Variants in PDE4D observed in about 807,000 individuals in gnomAD.
PDE4D encodes the protein phosphodiesterase 4D.
PDE4D carries 24 observed loss-of-function variants against 87.4 expected under a neutral mutation model. The ratio of observed to expected loss-of-function variants is 0.27; its 90% confidence interval spans 0.20 to 0.39. The LOEUF is 0.39. Ranked by LOEUF, PDE4D falls within the 10% of genes least tolerant of loss-of-function variation. The probability of loss-of-function intolerance (pLI) is 1.00; values close to 1 mark genes in which losing one functional copy is unlikely to be tolerated. For missense variants in PDE4D, 714 were observed against 1,041.0 expected (o/e 0.69, Z 4.32); for synonymous variants, 384 against 383.2 (o/e 1.00, Z -0.02).
chr5:59,600,440 G>A (rs943324410), intron 1 of PDE4D, among the ~76,000 whole-genome samples: 6 of 152,132 alleles, frequency 3.9e-5, no homozygotes, highest in African/African-American at 7.2e-5. Flanking sequence ...AGCAGAACCT[G>A]GGTGATGTGT....
intron 1 of PDE4D, among the ~76,000 whole-genome samples, chr5:59,330,943 C>T (rs189238250): frequency 2.4e-4 from 37 of 152,214 alleles, no homozygotes; most frequent in African/African-American, 4.3e-4. Flanking sequence ...TCAAGGGAAA[C>T]GCAGCCTCAA....
At chr5:59,758,246 G>A (rs542355969) in intron 1 of PDE4D, among the ~76,000 whole-genome samples, 28 of 152,154 alleles carry the variant, frequency 1.8e-4, no homozygotes, top group Admixed American at 9.2e-4. Flanking sequence ...TGTAAAGTAC[G>A]GTTAACAATA....
chr5:60,051,905 A>G (rs1770206611), intron 2 of PDE4D, among the ~76,000 whole-genome samples: 1 of 152,250 alleles, frequency 6.6e-6, no homozygotes, highest in African/African-American at 2.4e-5. Context: ...AGAGTATACT[A>G]TGAACAGCTC....
In PDE4D at chr5:59,202,033, A is replaced by ATTTTTTTT. The variant is rs10641798; in HGVS notation, c.648-8505_648-8498dup. On this transcript the variant is annotated intron_variant, in intron 2 of 14. Transcript: ENST00000340635. ...ATGCAGCTTTTCTGGTGTTTTGATC[A>ATTTTTTTT]TTTTTTTTTTTTTTTTTTTTTCTGA... Among the ~76,000 whole-genome samples, 93 of 95,266 alleles carry ATTTTTTTT rather than the reference A, an allele frequency of 9.8e-4. 6 individuals are homozygous for ATTTTTTTT. Among genetic ancestry groups the ATTTTTTTT allele is most frequent in the African/African-American group, 1.7e-3 (39 of 23,376 alleles). 62.5% of individuals were successfully genotyped at this position (95,266 alleles called of 152,430 possible).
chr5:59,517,031 T>C (rs1562319022), intron 1 of PDE4D, among the ~76,000 whole-genome samples: 1 of 152,194 alleles, frequency 6.6e-6, no homozygotes, highest in Admixed American at 6.5e-5. Flanking sequence ...AATTATTGCC[T>C]GTGGATTTTT....
chr5:59,574,026 A>AT (rs1822382795), intron 1 of PDE4D, among the ~76,000 whole-genome samples: 1 of 122,438 alleles, frequency 8.2e-6, no homozygotes, highest in Non-Finnish European at 1.6e-5. Flanking sequence ...ATATATATAT[A>AT]TAAAAATATA....
chr5:59,985,443 G>A (rs111384082), intron 3 of PDE4D, among the ~76,000 whole-genome samples: 3,165 of 151,754 alleles, frequency 0.021, 78 homozygotes, highest in African/African-American at 0.051. Context: ...ACCTGGCCCC[G>A]CACTTTACCT....
In PDE4D at chr5:59,211,981, T is replaced by A. The variant is rs538418567; in HGVS notation, c.647+3796A>T. ...CCACAAACCTTCATTTTAAATACCC[T>A]TCATTAGGTACCTATCCTCATTAGG... On this transcript the variant is annotated intron_variant, in intron 2 of 14. Coordinates refer to ENST00000340635, the MANE Select transcript of PDE4D (RefSeq NM_001104631.2). Among the ~76,000 whole-genome samples, 3 of 152,238 alleles carry A rather than the reference T, an allele frequency of 2.0e-5. No homozygotes were observed. In the East Asian group the frequency reaches 5.8e-4, roughly 29 times the overall value.
chr5:59,186,911 C>T (rs1743048605), intron 3 of PDE4D, among the ~76,000 whole-genome samples: 1 of 152,082 alleles, frequency 6.6e-6, no homozygotes, highest in Non-Finnish European at 1.5e-5. Context: ...AGAAGTAAAT[C>T]GGATAAATGA....
intron 1 of PDE4D, among the ~76,000 whole-genome samples, chr5:59,784,243 T>TC (rs1764922458): frequency 6.6e-6 from 1 of 151,264 alleles, no homozygotes; most frequent in Non-Finnish European, 1.5e-5. Flanking sequence ...AACTTCCTTT[T>TC]TTTTTTTTTA....
intron 3 of PDE4D, among the ~76,000 whole-genome samples, chr5:59,924,068 G>C (rs1446201484): frequency 6.6e-6 from 1 of 152,182 alleles, no homozygotes; most frequent in Non-Finnish European, 1.5e-5. Flanking sequence ...AAATTCTGTA[G>C]TTGAAAAGTG....
At chr5:59,692,252 G>A (rs1323225168) in intron 1 of PDE4D, among the ~76,000 whole-genome samples, 1 of 152,060 alleles carries the variant, frequency 6.6e-6, no homozygotes, top group Non-Finnish European at 1.5e-5. Flanking sequence ...GAGAGCTCTT[G>A]GTCTTCTTGG....
chr5:60,083,078 C>T (rs1554149857), intron 2 of PDE4D, among the ~76,000 whole-genome samples: 2 of 152,094 alleles, frequency 1.3e-5, no homozygotes, highest in Non-Finnish European at 2.9e-5. Context: ...CTGATGTGTT[C>T]ACCTGATTGA....
At chr5:60,095,852 G>C (rs530803247) in intron 2 of PDE4D, among the ~76,000 whole-genome samples, 2 of 152,072 alleles carry the variant, frequency 1.3e-5, no homozygotes, top group African/African-American at 4.8e-5. Flanking sequence ...GTGATGATGA[G>C]CTTTTTTTTA....
chr5:59,687,110 A>G (rs1044033033), intron 1 of PDE4D, among the ~76,000 whole-genome samples: 4 of 152,168 alleles, frequency 2.6e-5, no homozygotes, highest in Non-Finnish European at 5.9e-5. Context: ...TCAGCACCTC[A>G]AATTCATAAA....
rs1016294072 is a variant in PDE4D at position 59,751,847 on chromosome 5, A to C, written c.455+141321T>G. ...CTGAAATCTCCCATGCTTCACATTC[A>C]TATCAAATTCCTTCCTAGGCCCCTC... On this transcript the variant is annotated intron_variant, in intron 1 of 14. Transcript: ENST00000340635. 2.0e-5 allele frequency among the ~76,000 whole-genome samples: 3 copies of C among 152,190 alleles called. No individual in the cohort carries two copies. The East Asian group carries it at 5.8e-4, about 29-fold the overall frequency.
intron 5 of PDE4D, among the ~76,000 whole-genome samples, chr5:59,096,588 C>T (rs1769760335): frequency 1.3e-5 from 2 of 151,854 alleles, no homozygotes; most frequent in African/African-American, 2.4e-5. Flanking sequence ...TTTTGTTGGA[C>T]ATAAAAAACC....
intron 1 of PDE4D, among the ~76,000 whole-genome samples, chr5:59,794,455 G>A (rs1363604524): frequency 3.3e-5 from 5 of 151,908 alleles, no homozygotes; most frequent in Non-Finnish European, 7.4e-5. Context: ...GGTGCTTCCC[G>A]GCAGCCTGCG....
At chr5:59,542,854 A>C (rs1329739467) in intron 1 of PDE4D, among the ~76,000 whole-genome samples, 1 of 152,188 alleles carries the variant, frequency 6.6e-6, no homozygotes, top group East Asian at 1.9e-4. Context: ...GCTAGTGGAC[A>C]TCATTCAGGC....
Sources: gnomAD v4.1 joint callset for allele counts (sites outside exome capture counted in the v4.1 genomes callset) on GRCh38, gnomAD v4.1.1 for gene constraint, MANE v1.5 for transcripts, NCBI Gene and HGNC (gene_info 2026-07-23, HGNC 2026-07-21) for gene names.